Variants in CLTCL1 observed in about 807,000 individuals in gnomAD.
CLTCL1 encodes clathrin heavy chain 2.
CLTCL1 carries 159 observed loss-of-function variants against 190.0 expected under a neutral mutation model. The observed-to-expected ratio is 0.84, with a 90% confidence interval of 0.74 to 0.95. The LOEUF (loss-of-function observed/expected upper bound fraction) is 0.95, where lower values mean the gene tolerates loss of function less well. Ranked by LOEUF, CLTCL1 falls within the 40% of genes least tolerant of loss-of-function variation. CLTCL1 has a pLI of 0.00. For synonymous variants in CLTCL1, 752 were observed against 769.6 expected (o/e 0.98, Z 0.38); for missense variants, 1,878 against 2,033.4 (o/e 0.92, Z 1.47).
intron 30 of CLTCL1, 192 bp from the exon 31 acceptor site, chr22:19,180,998 G>A (rs559885622): frequency 6.7e-6 from 4 of 592,654 alleles, no homozygotes; most frequent in South Asian, 6.1e-5. Flanking sequence ...ATGGAGAGGT[G>A]AAGCCTCGGT....
chr22:19,212,948 G>A (rs2145671200), intron 19 of CLTCL1, among the ~76,000 whole-genome samples: 1 of 152,196 alleles, frequency 6.6e-6, no homozygotes, highest in Middle Eastern at 3.4e-3. Context: ...TAACACCAAA[G>A]CACAGTCCAT....
intron 3 of CLTCL1, among the ~76,000 whole-genome samples, chr22:19,252,830 C>T (rs782111776): frequency 1.3e-4 from 20 of 152,136 alleles, no homozygotes; most frequent in Non-Finnish European, 2.2e-4. Context: ...CTGGCTAACA[C>T]GGAGAAACCC....
At chr22:19,258,524 G>A (rs548468005) in intron 2 of CLTCL1, 10 of 542,508 alleles carry the variant, frequency 1.8e-5, no homozygotes, top group African/African-American at 1.7e-4. Flanking sequence ...CGCAGATGGA[G>A]CAGCTCAACA....
Position 19,202,508 on chromosome 22 carries a change from TC to T in CLTCL1, c.3601-1016del, listed in dbSNP as rs1265769556. ...CGGTACCTCCCGCACCACCCCTCCT[TC>T]CGCCATCACGGCACCTCCCCCACCA... On this transcript the variant is annotated intron_variant, in intron 22 of 32. Coordinates refer to ENST00000427926, the MANE Select transcript of CLTCL1 (RefSeq NM_007098.4). Among the ~76,000 whole-genome samples the T allele has an allele frequency of 4.2e-4, 34 of 80,358 alleles. 6 individuals carry two copies. In the South Asian group the frequency reaches 6.9e-3, roughly 16 times the overall value. The allele number at this position is 80,358 out of a possible 152,430, so 52.7% of individuals were successfully genotyped here.
chr22:19,286,525 CA>C (rs2087912781), intron 1 of CLTCL1, among the ~76,000 whole-genome samples: 1 of 152,178 alleles, frequency 6.6e-6, no homozygotes, highest in African/African-American at 2.4e-5. Flanking sequence ...GAGATAGCTA[CA>C]TAATGGCAAC....
intron 30 of CLTCL1, chr22:19,182,267 A>G (rs1026678755): frequency 2.0e-5 from 3 of 152,164 alleles, no homozygotes; most frequent in African/African-American, 7.3e-5. Flanking sequence ...CATACCACAA[A>G]CCACATACCA....
chr22:19,208,295 T>C lies in CLTCL1; in HGVS notation c.3459A>G (p.Leu1153=), dbSNP rs369240554. The C allele has an allele frequency of 1.1e-5, 17 of 1,613,560 alleles. No individual in the cohort carries two copies. Among genetic ancestry groups the C allele is most frequent in the Non-Finnish European group, 1.4e-5 (16 of 1,179,880 alleles). ...SASRSNNWED[L]VKFLQMARKK... is the part of the protein sequence containing the mutation. ...TCCTGGCCATCTGCAGAAATTTAAC[T>C]AGATCCTCCCAGTTGTCTAAAGACA... The change falls in exon 22 of 33, where the codon CTA becomes CTG. Residue 1153 remains leucine (L), a synonymous_variant. Transcript: ENST00000427926.
Position 19,199,862 on chromosome 22 carries a change from G to C in CLTCL1, c.3766-21C>G, listed in dbSNP as rs782746222. The C allele has an allele frequency of 7.7e-6, 12 of 1,549,214 alleles. No individual in the cohort carries two copies. The Admixed American group carries it at 1.1e-4, about 15-fold the overall frequency. On this transcript the variant is annotated intron_variant, in intron 23 of 32. Coordinates refer to ENST00000427926, the MANE Select transcript of CLTCL1 (RefSeq NM_007098.4). ...CACACCTAGGGGACGGAGGGCAAGC[G>C]TGAGGGTCCCCAAGACAGGACACAG...
chr22:19,194,247 T>C (rs1314380835), intron 26 of CLTCL1, among the ~76,000 whole-genome samples: 2 of 152,142 alleles, frequency 1.3e-5, no homozygotes, highest in African/African-American at 4.8e-5. Context: ...CCAGGTGGCG[T>C]CACCTCTCAA....
At chr22:19,263,259 AT>A (rs530354733) in intron 2 of CLTCL1, among the ~76,000 whole-genome samples, 9,010 of 135,630 alleles carry the variant, frequency 0.066, 309 homozygotes, top group Middle Eastern at 0.14. Flanking sequence ...CACACCCAGA[AT>A]TTTTTTTTTT....
chr22:19,257,863 A>G, intron 2 of CLTCL1: 2 of 1,407,658 alleles, frequency 1.4e-6, no homozygotes, highest in Non-Finnish European at 1.9e-6. Context: ...AAAAACCGGG[A>G]GCACCTGGAG....
intron 11 of CLTCL1, 105 bp downstream of exon 11, chr22:19,229,733 C>A: frequency 8.7e-7 from 1 of 1,150,534 alleles, no homozygotes; most frequent in Non-Finnish European, 1.2e-6. Context: ...AGATAAACAT[C>A]TGGCACAAGC....
In CLTCL1 at chr22:19,196,641, C is replaced by T. The variant is rs782693638; in HGVS notation, c.3889G>A (p.Glu1297Lys). The T allele has an allele frequency of 1.2e-6, 2 of 1,612,864 alleles. No individual in the cohort carries two copies. Among genetic ancestry groups the T allele is most frequent in the South Asian group, 2.2e-5 (2 of 90,904 alleles). ...MCYYQDRGYF[E>K]ELILLLEAAL... The stretch of plus-strand genomic sequence containing the variant: ...GCTTCCAACAGCAAGATCAGCTCCT[C>T]AAAGTAGCCACGATCCTAGCAGACC... The change falls in exon 25 of 33, where the codon GAG becomes AAG. Residue 1297 changes from glutamate to lysine, a missense_variant. Glu to Lys is a moderately conservative substitution (Grantham distance 56). Transcript: ENST00000427926.
At chr22:19,266,389 A>G (rs1555977968) in intron 2 of CLTCL1, among the ~76,000 whole-genome samples, 3 of 152,334 alleles carry the variant, frequency 2.0e-5, no homozygotes, top group East Asian at 1.9e-4. Flanking sequence ...AAAACAGAAA[A>G]TCTGAACAGA....
At chr22:19,180,288 C>A (rs2793062) in intron 31 of CLTCL1, 50 bp from the exon 32 acceptor site, 3 of 1,604,000 alleles carry the variant, frequency 1.9e-6, no homozygotes, top group African/African-American at 2.7e-5. Context: ...CTCAGCCGGA[C>A]GCTGGAGACC....
In CLTCL1 at chr22:19,202,423, G is replaced by GCCATCCACGGCACCTCCCC. The variant is rs2084918687; in HGVS notation, c.3601-931_3601-930insGGGGAGGTGCCGTGGATGG. Among the ~76,000 whole-genome samples, 328 of 85,030 alleles carry GCCATCCACGGCACCTCCCC rather than the reference G, an allele frequency of 3.9e-3. 5 individuals are homozygous for GCCATCCACGGCACCTCCCC. The highest frequency in any genetic ancestry group is 5.3e-3 in the Admixed American group (42 of 7,918). The allele number at this position is 85,030 out of a possible 152,430, so 55.8% of individuals were successfully genotyped here. A position where few individuals can be genotyped will look rare whatever the true frequency, so the allele number is the denominator to read the frequency against. On this transcript the variant is annotated intron_variant, in intron 22 of 32. Transcript: ENST00000427926. ...CCTTCCGCCATCCACGGCACCTCCC[G>GCCATCCACGGCACCTCCCC]CACCACCCCTCCTTCCGCCATCCAC...
At chr22:19,278,653 T>A (rs2087599506) in intron 1 of CLTCL1, among the ~76,000 whole-genome samples, 1 of 152,188 alleles carries the variant, frequency 6.6e-6, no homozygotes, top group African/African-American at 2.4e-5. Context: ...AATTCCATCA[T>A]CCTCTCCTAG....
chr22:19,191,860 T>C (rs1361708781), intron 26 of CLTCL1, among the ~76,000 whole-genome samples: 1 of 152,182 alleles, frequency 6.6e-6, no homozygotes, highest in African/African-American at 2.4e-5. Flanking sequence ...CAGCATGTCC[T>C]GTGACATCAC....
In CLTCL1 at chr22:19,273,437, C is replaced by A. The variant is rs1245837778; in HGVS notation, c.250+2186G>T. ...CATTAAGAACGAAAATAAAAAGCAG[C>A]AGCCCCTGCCACCTGGAAGCTGGCC... On this transcript the variant is annotated intron_variant, in intron 2 of 32. Transcript: ENST00000427926. 7.9e-5 allele frequency among the ~76,000 whole-genome samples: 12 copies of A among 152,212 alleles called. 1 individual carries two copies. The East Asian group carries it at 1.2e-3, about 15-fold the overall frequency.
Sources: gnomAD v4.1 joint callset for allele counts (sites outside exome capture counted in the v4.1 genomes callset) on GRCh38, gnomAD v4.1.1 for gene constraint, MANE v1.5 for transcripts, NCBI Gene and HGNC (gene_info 2026-07-23, HGNC 2026-07-21) for gene names.